The following PTPRD variants were observed in gnomAD, a reference collection of about 807,000 sequenced individuals.
The protein encoded by PTPRD is protein tyrosine phosphatase receptor type D.
In PTPRD, 34 loss-of-function variants were observed where a neutral mutation model predicts 214.5. That is an observed-to-expected ratio of 0.16 (90% CI 0.12 to 0.21). The LOEUF (loss-of-function observed/expected upper bound fraction) is 0.21. Among genes scored for constraint, PTPRD ranks in the 10% least tolerant of loss-of-function variants. The pLI, the probability that PTPRD is intolerant of heterozygous loss-of-function variation, is 1.00. For missense variants in PTPRD, 2,545 were observed against 2,398.7 expected, an observed-to-expected ratio of 1.06 and a Z score of -1.27; for synonymous variants, 1,128 against 845.7, an observed-to-expected ratio of 1.33 and a Z score of -5.79.
At chr9:8,523,640 AT>A in intron 18 of PTPRD, 116 bp from the exon 19 acceptor site, 2 of 1,082,500 alleles carry the variant, frequency 1.8e-6, no homozygotes, top group Non-Finnish European at 2.7e-6. Flanking sequence ...CTACTTGAAC[AT>A]CTTTATTCGC....
chr9:10,391,315 T>C (rs1042536783), intron 2 of PTPRD, among the ~76,000 whole-genome samples: 1 of 151,806 alleles, frequency 6.6e-6, no homozygotes, highest in East Asian at 1.9e-4. Flanking sequence ...TTATCTACAT[T>C]AAAATCTGAC....
intron 8 of PTPRD, among the ~76,000 whole-genome samples, chr9:9,513,944 G>A (rs1395241093): frequency 6.6e-6 from 1 of 152,018 alleles, no homozygotes; most frequent in Non-Finnish European, 1.5e-5. Flanking sequence ...CTGTTAAGAT[G>A]GGAGCCAAGC....
At chr9:9,335,022 A>C (rs953309893) in intron 9 of PTPRD, among the ~76,000 whole-genome samples, 1 of 152,052 alleles carries the variant, frequency 6.6e-6, no homozygotes, top group South Asian at 2.1e-4. Flanking sequence ...AAAAGCAAAG[A>C]CTTCACCTGT....
chr9:10,362,331 G>T, intron 2 of PTPRD, among the ~76,000 whole-genome samples: 1 of 112,002 alleles, frequency 8.9e-6, no homozygotes, highest in South Asian at 3.0e-4. Context: ...TCCTCTGACA[G>T]AGAAATTTTT....
intron 2 of PTPRD, among the ~76,000 whole-genome samples, chr9:10,375,039 T>C (rs1206962157): frequency 6.6e-6 from 1 of 152,106 alleles, no homozygotes; most frequent in African/African-American, 2.4e-5. Context: ...TACAGGTTTA[T>C]AGAACTGGGT....
At chr9:10,251,210 A>G (rs376494471) in intron 3 of PTPRD, among the ~76,000 whole-genome samples, 7 of 152,234 alleles carry the variant, frequency 4.6e-5, no homozygotes, top group African/African-American at 1.7e-4. Context: ...CCCTTATGTG[A>G]CCAGCACTAT....
At chr9:10,337,310 T>C (rs1256429927) in intron 3 of PTPRD, among the ~76,000 whole-genome samples, 1 of 151,692 alleles carries the variant, frequency 6.6e-6, no homozygotes, top group Non-Finnish European at 1.5e-5. Flanking sequence ...TATACATGTA[T>C]ATATAGATAC....
chr9:9,494,992 A>C (rs544206886), intron 8 of PTPRD, among the ~76,000 whole-genome samples: 3 of 152,288 alleles, frequency 2.0e-5, no homozygotes, highest in Non-Finnish European at 4.4e-5. Context: ...TAGAAAAGAG[A>C]GCTCAGAAAT....
At chr9:8,533,881 A>C (rs1001576052) in intron 14 of PTPRD, among the ~76,000 whole-genome samples, 1 of 152,000 alleles carries the variant, frequency 6.6e-6, no homozygotes, top group Admixed American at 6.6e-5. Context: ...CATTCATTGA[A>C]ATACCATTCC....
chr9:8,507,152 G>A lies in PTPRD; in HGVS notation c.1677+149C>T. 3 of 807,716 alleles carry A rather than the reference G, an allele frequency of 3.7e-6. 1 individual carries two copies. In the South Asian group the frequency reaches 8.5e-5, roughly 23 times the overall value. The allele number at this position is 807,716 out of a possible 1,614,324, so 50.0% of individuals were successfully genotyped here. ...TTTTGGGGTTTTTCTTGGGGGGGAGGGGGAGTCAAGTTCCTCTTTTAATTA... is the reference window on the plus strand; with the variant it reads ...TTTTGGGGTTTTTCTTGGGGGGGAGAGGGAGTCAAGTTCCTCTTTTAATTA... On this transcript the variant is annotated intron_variant, in intron 22 of 45. Transcript: ENST00000381196.
intron 34 of PTPRD, among the ~76,000 whole-genome samples, chr9:8,448,616 G>T (rs1443972499): frequency 1.3e-5 from 2 of 152,078 alleles, no homozygotes; most frequent in Non-Finnish European, 2.9e-5. Flanking sequence ...ATATGAGTTA[G>T]AATTTTTTTT....
At chr9:9,484,735 G>C (rs1484215552) in intron 8 of PTPRD, among the ~76,000 whole-genome samples, 1 of 152,072 alleles carries the variant, frequency 6.6e-6, no homozygotes, top group Non-Finnish European at 1.5e-5. Flanking sequence ...GGTCATATAG[G>C]TATTACATTG....
chr9:9,109,562 G>T (rs73641218), intron 10 of PTPRD, among the ~76,000 whole-genome samples: 1 of 152,040 alleles, frequency 6.6e-6, no homozygotes, highest in Non-Finnish European at 1.5e-5. Context: ...CAATATAATT[G>T]TTAATACTAA....
At chr9:8,912,944 T>TA (rs1216355295) in intron 11 of PTPRD, among the ~76,000 whole-genome samples, 4 of 152,248 alleles carry the variant, frequency 2.6e-5, no homozygotes, top group African/African-American at 7.2e-5. Flanking sequence ...TTGTGAGGCA[T>TA]AAAAAACTAC....
chr9:10,323,133 T>C (rs1008143777), intron 3 of PTPRD, among the ~76,000 whole-genome samples: 1 of 151,938 alleles, frequency 6.6e-6, no homozygotes, highest in Non-Finnish European at 1.5e-5. Flanking sequence ...AACCTAAATA[T>C]ACATCAATTC....
At chr9:9,334,393 G>C (rs1190889016) in intron 9 of PTPRD, among the ~76,000 whole-genome samples, 3 of 151,962 alleles carry the variant, frequency 2.0e-5, no homozygotes, top group Non-Finnish European at 4.4e-5. Flanking sequence ...TATTCTAAAA[G>C]TTCTAGTTTA....
intron 11 of PTPRD, among the ~76,000 whole-genome samples, chr9:9,015,804 T>A (rs192362127): frequency 5.7e-4 from 87 of 152,242 alleles, no homozygotes; most frequent in Admixed American, 1.3e-3. Context: ...TACATTTGGA[T>A]ATAATAATTA....
At chr9:9,416,594 G>A (rs1206829527) in intron 8 of PTPRD, among the ~76,000 whole-genome samples, 2 of 152,018 alleles carry the variant, frequency 1.3e-5, no homozygotes, top group African/African-American at 4.8e-5. Context: ...GTTATTCCTT[G>A]CCTTATTCTC....
At chr9:8,347,015 T>C (rs2074017402) in intron 39 of PTPRD, among the ~76,000 whole-genome samples, 1 of 152,082 alleles carries the variant, frequency 6.6e-6, no homozygotes, top group South Asian at 2.1e-4. Context: ...ATGCCATGAC[T>C]GATGGCAAGT....
Sources: allele counts gnomAD v4.1 joint callset (sites outside exome capture counted in the v4.1 genomes callset), GRCh38; gene constraint gnomAD v4.1.1; transcripts MANE v1.5; gene names NCBI Gene and HGNC (gene_info 2026-07-23, HGNC 2026-07-21).